The following DST variants were observed in gnomAD, a reference collection of about 807,000 sequenced individuals.
DST encodes the protein dystonin, also known as bullous pemphigoid antigen.
A neutral mutation model predicts 875.2 loss-of-function variants in DST; 253 were observed. The observed-to-expected ratio is 0.29, with a 90% CI of 0.26 to 0.32. DST has a LOEUF of 0.32. DST is among the 10% of genes least tolerant of loss of function. The pLI, the probability that DST is intolerant of heterozygous loss-of-function variation, is 1.00. For missense variants in DST, 8,287 were observed against 9,111.6 expected (o/e 0.91, Z 3.68); for synonymous variants, 3,124 against 3,197.1 (o/e 0.98, Z 0.77).
At chr6:56,730,306 T>G (rs2099492321) in intron 5 of DST, among the ~76,000 whole-genome samples, 1 of 151,588 alleles carries the variant, frequency 6.6e-6, no homozygotes, top group South Asian at 2.1e-4. Context: ...TTAAAGGGAG[T>G]CTTCTAATGA....
chr6:56,680,050 T>C (rs1563641412), intron 9 of DST, among the ~76,000 whole-genome samples: 1 of 152,120 alleles, frequency 6.6e-6, no homozygotes, highest in Non-Finnish European at 1.5e-5. Flanking sequence ...TCCAAATCTC[T>C]TCCATCCTAA....
chr6:56,666,785 G>C (rs1260220805), intron 10 of DST, among the ~76,000 whole-genome samples: 1 of 149,140 alleles, frequency 6.7e-6, no homozygotes, highest in Non-Finnish European at 1.5e-5. Context: ...ACCTACCCTG[G>C]GGTGCAGTGA....
chr6:56,568,309 A>C (rs2097717426), intron 55 of DST, among the ~76,000 whole-genome samples, 160 bp downstream of exon 55: 1 of 152,250 alleles, frequency 6.6e-6, no homozygotes, highest in African/African-American at 2.4e-5. Flanking sequence ...GTACAGATAC[A>C]TTCCCAGCAC....
At chr6:56,649,830 T>C (rs2098964149) in intron 12 of DST, among the ~76,000 whole-genome samples, 1 of 152,164 alleles carries the variant, frequency 6.6e-6, no homozygotes, top group African/African-American at 2.4e-5. Flanking sequence ...ACAGATTAAT[T>C]TGGCAACAGT....
At chr6:56,857,310 G>A (rs556558101) in intron 3 of DST, among the ~76,000 whole-genome samples, 24 of 152,252 alleles carry the variant, frequency 1.6e-4, no homozygotes, top group Admixed American at 3.9e-4. Context: ...GAGCCATTGC[G>A]CACAGCCCAT....
rs975853005 is a variant in DST at position 56,606,547 on chromosome 6, T to A, written c.8081A>T (p.Asp2694Val). 1.2e-6 allele frequency: 2 copies of A among 1,613,374 alleles called. No individual in the cohort carries two copies. Among genetic ancestry groups the A allele is most frequent in the Non-Finnish European group, 1.7e-6 (2 of 1,179,602 alleles). Reference sequence around the variant, plus strand: ...AGAATCTAATTCATCTTTCTCAACATCCATAAGGAAATCCTGAAGACAATG... The same window carrying A: ...AGAATCTAATTCATCTTTCTCAACAACCATAAGGAAATCCTGAAGACAATG... ...KAHCLQDFLMDVEKDELDSGE... is the reference protein window; with the variant it reads ...KAHCLQDFLMVVEKDELDSGE... The change falls in exon 40 of 104, where the codon GAT becomes GTT. Residue 2694 changes from aspartate to valine, a missense_variant. Coordinates refer to ENST00000680361, the MANE Select transcript of DST (RefSeq NM_001374736.1).
intron 4 of DST, among the ~76,000 whole-genome samples, chr6:56,815,993 A>G (rs1561983353): frequency 1.3e-5 from 2 of 152,204 alleles, no homozygotes; most frequent in Non-Finnish European, 2.9e-5. Context: ...CTCTGAAAAA[A>G]AGTAAGATTG....
chr6:56,915,350 A>T (rs1172291744), intron 2 of DST, among the ~76,000 whole-genome samples: 1 of 152,238 alleles, frequency 6.6e-6, no homozygotes, highest in African/African-American at 2.4e-5. Flanking sequence ...TGAGAAGCCA[A>T]ATAGCACCCA....
intron 89 of DST, 133 bp from the exon 90 acceptor site, chr6:56,482,311 T>C: frequency 9.8e-7 from 1 of 1,021,972 alleles, no homozygotes; most frequent in Non-Finnish European, 1.3e-6. Flanking sequence ...GCTTCATTAC[T>C]CCCATTAAGA....
Position 56,552,954 on chromosome 6 carries a change from C to G in DST, c.15838G>C (p.Glu5280Gln), listed in dbSNP as rs1395175358. The G allele has an allele frequency of 6.2e-7, 1 of 1,613,866 alleles. No individual in the cohort carries two copies. The highest frequency in any genetic ancestry group is 8.5e-7 in the Non-Finnish European group (1 of 1,179,892). Reference sequence around the variant, plus strand: ...TGCCTTTTAGATTCTTTGGAAACTTCTTGAAATTCTTTAAACTTCTGAGTC... The same window carrying G: ...TGCCTTTTAGATTCTTTGGAAACTTGTTGAAATTCTTTAAACTTCTGAGTC... Reference protein sequence around the residue: ...NMTQKFKEFQEVSKESKRQLQ... With the variant: ...NMTQKFKEFQQVSKESKRQLQ... Residue 5280 changes from glutamate (E) to glutamine (Q), a missense_variant, in exon 61 of 104, where the codon GAA becomes CAA. This residue lies in a region of DST where 1,513 missense variants were observed against 1,677.8 expected (regional missense o/e 0.90). Coordinates refer to ENST00000680361, the MANE Select transcript of DST (RefSeq NM_001374736.1).
At chr6:56,708,338 A>G (rs1156511299) in intron 5 of DST, among the ~76,000 whole-genome samples, 1 of 152,202 alleles carries the variant, frequency 6.6e-6, no homozygotes, top group Middle Eastern at 3.2e-3. Flanking sequence ...TAGAAAATGT[A>G]TAAAATAAAA....
Position 56,460,248 on chromosome 6 carries a change from G to A in DST, c.23077C>T (p.Pro7693Ser). 1.9e-6 allele frequency: 3 copies of A among 1,613,888 alleles called. No individual in the cohort carries two copies. The highest frequency in any genetic ancestry group is 1.7e-6 in the Non-Finnish European group (2 of 1,179,856). The change falls in exon 103 of 104, where the codon CCA becomes TCA. Residue 7693 changes from proline to serine, a missense_variant. Pro to Ser is a moderately conservative substitution (Grantham distance 74). This residue lies in a region of DST where 240 missense variants were observed against 237.3 expected (regional missense o/e 1.01). Transcript: ENST00000680361. The stretch of plus-strand genomic sequence containing the variant: ...AGTCGAAGCTTGCTTCCTTGTATTG[G>A]CGTTCCCTGTATTTAACCAGCAACA... Reference protein sequence around the residue: ...DFPVPSAEGTPIQGSKLRLPG... With the variant: ...DFPVPSAEGTSIQGSKLRLPG...
At chr6:56,788,945 CT>C (rs2099710458) in intron 4 of DST, among the ~76,000 whole-genome samples, 1 of 152,148 alleles carries the variant, frequency 6.6e-6, no homozygotes, top group Non-Finnish European at 1.5e-5. Flanking sequence ...GAATCTGTAC[CT>C]TGTCCTGCAG....
At chr6:56,730,048 G>GA (rs1377348736) in intron 5 of DST, among the ~76,000 whole-genome samples, 2 of 152,072 alleles carry the variant, frequency 1.3e-5, no homozygotes, top group South Asian at 2.1e-4. Context: ...TTTACAAAAA[G>GA]AAAAAATATT....
intron 3 of DST, among the ~76,000 whole-genome samples, chr6:56,865,466 G>A (rs1773538608): frequency 2.0e-5 from 3 of 152,006 alleles, no homozygotes; most frequent in Non-Finnish European, 2.9e-5. Flanking sequence ...AGCCTCCCAA[G>A]TAGCTAGACT....
intron 63 of DST, 43 bp from the exon 64 acceptor site, chr6:56,532,553 G>A (rs973711010): frequency 1.3e-6 from 2 of 1,503,308 alleles, no homozygotes; most frequent in Non-Finnish European, 1.8e-6. Flanking sequence ...GGGAATAATT[G>A]TATGAATATA....
At chr6:56,516,578 G>C (rs2096599589) in intron 71 of DST, among the ~76,000 whole-genome samples, 2 of 151,324 alleles carry the variant, frequency 1.3e-5, no homozygotes, top group South Asian at 4.2e-4. Context: ...TATTTTTTTT[G>C]CCATGCATGG....
chr6:56,607,633 A>C lies in DST; in HGVS notation c.6995T>G (p.Val2332Gly). The change falls in exon 40 of 104, where the codon GTT (valine) becomes GGT (glycine). Residue 2332 changes from valine to glycine, a missense_variant. This residue lies in a region of DST where 3,138 missense variants were observed against 3,116.6 expected (regional missense o/e 1.01). Coordinates refer to ENST00000680361, the MANE Select transcript of DST (RefSeq NM_001374736.1). ...LASTISIDPK[V>G]NSSPSVCVPS... ...AACACACACACTGGGTGAACTGTTA[A>C]CTTTAGGATCAATTGATATTGTACT... The C allele has an allele frequency of 6.2e-7, 1 of 1,613,406 alleles. No individual in the cohort carries two copies. The highest frequency in any genetic ancestry group is 8.5e-7 in the Non-Finnish European group (1 of 1,179,646).
At chr6:56,476,493 T>A (rs1459835270) in intron 91 of DST, among the ~76,000 whole-genome samples, 156 bp from the exon 92 acceptor site, 2 of 152,222 alleles carry the variant, frequency 1.3e-5, no homozygotes, top group African/African-American at 4.8e-5. Context: ...GGCATCAAGA[T>A]CTGGCTTGAG....
Sources: allele counts gnomAD v4.1 joint callset (sites outside exome capture counted in the v4.1 genomes callset), GRCh38; gene constraint gnomAD v4.1.1; regional missense constraint gnomAD v4.1.1; transcripts MANE v1.5; gene names NCBI Gene and HGNC (gene_info 2026-07-23, HGNC 2026-07-21).